The following ARHGEF26 variants were observed in gnomAD, a reference collection of about 807,000 sequenced individuals.
ARHGEF26 encodes Rho guanine nucleotide exchange factor (GEF) 26.
A neutral mutation model predicts 89.4 loss-of-function variants in ARHGEF26; 59 were observed. The observed-to-expected ratio is 0.66, with a 90% CI of 0.54 to 0.82. The LOEUF is 0.82. ARHGEF26 is among the 40% of genes least tolerant of loss of function. The probability of loss-of-function intolerance (pLI) is 0.00; values close to 1 mark genes in which losing one functional copy is unlikely to be tolerated. For missense variants in ARHGEF26, 1,234 were observed against 1,085.6 expected, an observed-to-expected ratio of 1.14 and a Z score of -1.92; for synonymous variants, 500 against 428.4, an observed-to-expected ratio of 1.17 and a Z score of -2.06.
intron 6 of ARHGEF26, among the ~76,000 whole-genome samples, chr3:154,154,196 G>A (rs1720190774): frequency 6.6e-6 from 1 of 151,826 alleles, no homozygotes; most frequent in African/African-American, 2.4e-5. Flanking sequence ...AACAATTTTT[G>A]ATTATTTTCT....
intron 4 of ARHGEF26, among the ~76,000 whole-genome samples, chr3:154,148,161 A>T (rs1719807628): frequency 6.6e-6 from 1 of 152,218 alleles, no homozygotes; most frequent in African/African-American, 2.4e-5. Context: ...GCACAGGCCC[A>T]GGAGCAGCGG....
At chr3:154,228,440 TTTTTTTTTTCTTTTTC>T (rs1408718159) in intron 11 of ARHGEF26, among the ~76,000 whole-genome samples, 3 of 151,684 alleles carry the variant, frequency 2.0e-5, no homozygotes, top group South Asian at 2.1e-4. Context: ...CCTGGCCTTT[TTTTTTTTTTCTTTTTC>T]TTTTTTTTCT....
rs774033795 is a variant in ARHGEF26 at position 154,122,857 on chromosome 3, C to T, written c.865C>T (p.Leu289=). 1.9e-6 allele frequency: 3 copies of T among 1,612,864 alleles called. No individual in the cohort carries two copies. The highest frequency in any genetic ancestry group is 2.2e-5 in the South Asian group (2 of 90,744). ...RSMVEGLGGP[L]GHAGEESEVD... is the part of the protein sequence containing the mutation. ...CATGGTGGAGGGCCTAGGAGGACCC[C>T]TGGGTCACGCAGGGGAGGAGAGTGA... is the stretch of plus-strand genomic sequence containing the variant. The change falls in exon 2 of 15, where the codon CTG becomes TTG. Residue 289 remains leucine, a synonymous_variant. Coordinates refer to ENST00000465093, the MANE Select transcript of ARHGEF26 (RefSeq NM_015595.4).
At chr3:154,209,640 A>G (rs139383143) in intron 9 of ARHGEF26, among the ~76,000 whole-genome samples, 1,984 of 152,294 alleles carry the variant, frequency 0.013, 32 homozygotes, top group African/African-American at 0.045. Flanking sequence ...CCTAAAGATG[A>G]GGGTGGAGTG....
intron 4 of ARHGEF26, among the ~76,000 whole-genome samples, chr3:154,145,720 A>G (rs1421011790): frequency 6.6e-6 from 1 of 152,150 alleles, no homozygotes; most frequent in Admixed American, 6.5e-5. Flanking sequence ...CTTCACAGAA[A>G]ATGATTATCT....
chr3:154,196,307 TAG>T (rs1714287794), intron 9 of ARHGEF26, among the ~76,000 whole-genome samples: 1 of 152,196 alleles, frequency 6.6e-6, no homozygotes, highest in African/African-American at 2.4e-5. Context: ...TAGCTACTGA[TAG>T]AAATATCTAG....
intron 6 of ARHGEF26, 54 bp from the exon 7 acceptor site, chr3:154,187,631 T>A: frequency 6.9e-7 from 1 of 1,445,934 alleles, no homozygotes; most frequent in East Asian, 2.4e-5. Flanking sequence ...TAATCTGTTA[T>A]CTGTTAGAGT....
intron 3 of ARHGEF26, among the ~76,000 whole-genome samples, chr3:154,127,049 C>G (rs897994808): frequency 1.3e-5 from 2 of 152,152 alleles, no homozygotes; most frequent in African/African-American, 4.8e-5. Context: ...TTCTATAGGA[C>G]TCTTACCGTG....
At chr3:154,143,328 C>G (rs906186524) in intron 4 of ARHGEF26, among the ~76,000 whole-genome samples, 6 of 152,062 alleles carry the variant, frequency 3.9e-5, no homozygotes, top group Non-Finnish European at 8.8e-5. Flanking sequence ...ACTTTTTTCC[C>G]TTAACAGTGT....
chr3:154,254,868 A>T, intron 14 of ARHGEF26, 44 bp downstream of exon 14: 2 of 1,509,230 alleles, frequency 1.3e-6, no homozygotes, highest in East Asian at 4.5e-5. Flanking sequence ...TCCAGGATGC[A>T]GAGTGCTATA....
At chr3:154,225,729 C>A in intron 10 of ARHGEF26, 127 bp from the exon 11 acceptor site, 1 of 961,176 alleles carries the variant, frequency 1.0e-6, no homozygotes, top group South Asian at 2.2e-5. Flanking sequence ...GTTTTATATG[C>A]CTATAAAACA....
chr3:154,253,095 T>TG, intron 12 of ARHGEF26, 21 bp from the exon 13 acceptor site: 1 of 1,613,588 alleles, frequency 6.2e-7, no homozygotes, highest in Non-Finnish European at 8.5e-7. Context: ...GTCTCTCAGT[T>TG]GGATCTGCCC....
intron 6 of ARHGEF26, among the ~76,000 whole-genome samples, chr3:154,179,862 A>G (rs1213058044): frequency 6.6e-6 from 1 of 152,214 alleles, no homozygotes; most frequent in Non-Finnish European, 1.5e-5. Context: ...ACAAATTACA[A>G]CAAACTTAGT....
intron 4 of ARHGEF26, among the ~76,000 whole-genome samples, chr3:154,137,794 T>G (rs1023673402): frequency 3.7e-5 from 5 of 136,480 alleles, no homozygotes; most frequent in Non-Finnish European, 3.1e-5. Context: ...CTGGGCAACA[T>G]AGTGAGACCC....
intron 12 of ARHGEF26, among the ~76,000 whole-genome samples, chr3:154,246,865 T>TTGGCGTGAGCTGC (rs926240549): frequency 2.0e-5 from 3 of 152,168 alleles, no homozygotes; most frequent in Non-Finnish European, 4.4e-5. Flanking sequence ...ATTTAGATTT[T>TTGGCGTGAGCTGC]TGGCGTGAGC....
intron 11 of ARHGEF26, among the ~76,000 whole-genome samples, chr3:154,228,502 A>G (rs966293122): frequency 6.6e-6 from 1 of 150,930 alleles, no homozygotes; most frequent in Non-Finnish European, 1.5e-5. Context: ...CACAGCTCCA[A>G]TGGAGAGGAC....
intron 11 of ARHGEF26, among the ~76,000 whole-genome samples, chr3:154,228,450 CTTTT>C (rs1716629511): frequency 7.3e-6 from 1 of 136,524 alleles, no homozygotes; most frequent in Non-Finnish European, 1.6e-5. Context: ...TTTTTTTTTT[CTTTT>C]TCTTTTTTTT....
chr3:154,221,125 A>G (rs1336653082), intron 10 of ARHGEF26, among the ~76,000 whole-genome samples: 1 of 150,788 alleles, frequency 6.6e-6, no homozygotes, highest in Non-Finnish European at 1.5e-5. Context: ...ACTGTGAGAC[A>G]TAAATTCCTG....
chr3:154,185,579 C>G (rs544461526), intron 6 of ARHGEF26, among the ~76,000 whole-genome samples: 1 of 152,302 alleles, frequency 6.6e-6, no homozygotes, highest in African/African-American at 2.4e-5. Context: ...TAGTCCCTCT[C>G]AGGGCCTGCT....
Sources: gnomAD v4.1 joint callset for allele counts (sites outside exome capture counted in the v4.1 genomes callset) on GRCh38, gnomAD v4.1.1 for gene constraint, MANE v1.5 for transcripts, NCBI Gene and HGNC (gene_info 2026-07-23, HGNC 2026-07-21) for gene names.